EBF2: variants seen among roughly 807,000 people sequenced by gnomAD.
EBF2 encodes transcription factor COE2.
In EBF2, 21 loss-of-function variants were observed where a neutral mutation model predicts 72.8. That is an observed-to-expected ratio of 0.29 (90% confidence interval 0.20 to 0.42). EBF2 has a LOEUF of 0.42. Among genes scored for constraint, EBF2 ranks in the 10% least tolerant of loss-of-function variants. EBF2 has a pLI of 1.00. For missense variants in EBF2, 637 were observed against 731.2 expected, an observed-to-expected ratio of 0.87 and a Z score of 1.49; for synonymous variants, 299 against 274.2, an observed-to-expected ratio of 1.09 and a Z score of -0.89.
At chr8:25,877,556 G>A (rs796583188) in intron 10 of EBF2, among the ~76,000 whole-genome samples, 19 of 152,288 alleles carry the variant, frequency 1.2e-4, no homozygotes, top group African/African-American at 4.6e-4. Flanking sequence ...GTTGGCAGTG[G>A]CAACCATGGG....
intron 13 of EBF2, among the ~76,000 whole-genome samples, chr8:25,859,044 AC>A (rs1802158494): frequency 6.6e-6 from 1 of 151,990 alleles, no homozygotes; most frequent in African/African-American, 2.4e-5. Flanking sequence ...TGCACTCAGC[AC>A]CTCCAGCTTA....
intron 6 of EBF2, among the ~76,000 whole-genome samples, chr8:25,980,859 G>A (rs1378012165): frequency 3.3e-5 from 5 of 149,874 alleles, no homozygotes; most frequent in African/African-American, 1.2e-4. Flanking sequence ...GGGTGTCATT[G>A]GGAACCCATG....
At chr8:26,017,814 C>A (rs180892688) in intron 6 of EBF2, among the ~76,000 whole-genome samples, 10 of 152,306 alleles carry the variant, frequency 6.6e-5, no homozygotes, top group Non-Finnish European at 1.5e-4. Flanking sequence ...TCTCTTTTGG[C>A]ACCTAGAGCT....
chr8:25,994,836 C>G (rs1248949875), intron 6 of EBF2, among the ~76,000 whole-genome samples: 1 of 152,116 alleles, frequency 6.6e-6, no homozygotes, highest in African/African-American at 2.4e-5. Flanking sequence ...ATGTTCACTA[C>G]CTGGATGACA....
chr8:25,912,499 A>ACACACACACACACACAC (rs1375819188), intron 6 of EBF2, among the ~76,000 whole-genome samples: 6 of 72,776 alleles, frequency 8.2e-5, no homozygotes, highest in African/African-American at 1.7e-4. Context: ...CACACACACA[A>ACACACACACACACACAC]CAGGAAGAAT....
chr8:26,020,000 C>A (rs1043955925), intron 6 of EBF2, among the ~76,000 whole-genome samples: 1 of 152,086 alleles, frequency 6.6e-6, no homozygotes, highest in Non-Finnish European at 1.5e-5. Flanking sequence ...AAGGTGTGCC[C>A]ATGTGTAGGC....
intron 6 of EBF2, among the ~76,000 whole-genome samples, chr8:25,918,182 C>T (rs1489768014): frequency 6.6e-6 from 1 of 152,182 alleles, no homozygotes; most frequent in Non-Finnish European, 1.5e-5. Context: ...ATCATTTTCT[C>T]TCTGCAGTTT....
intron 2 of EBF2, 23 bp from the exon 3 acceptor site, chr8:26,041,025 A>T: frequency 6.2e-7 from 1 of 1,613,574 alleles, no homozygotes; most frequent in Non-Finnish European, 8.5e-7. Flanking sequence ...GCAGCGTTCG[A>T]TTCCCTTGCC....
At chr8:25,866,630 TATATA>T (rs1368768774) in intron 10 of EBF2, among the ~76,000 whole-genome samples, 29 of 103,554 alleles carry the variant, frequency 2.8e-4, no homozygotes, top group Admixed American at 6.0e-4. Flanking sequence ...TATATATATA[TATATA>T]TTTTTTTTTT....
chr8:26,024,352 T>A (rs1805263727), intron 6 of EBF2, among the ~76,000 whole-genome samples: 1 of 152,208 alleles, frequency 6.6e-6, no homozygotes, highest in African/African-American at 2.4e-5. Flanking sequence ...AAAGGATATC[T>A]ACACATCCTT....
chr8:25,933,126 G>A (rs973163585), intron 6 of EBF2, among the ~76,000 whole-genome samples: 7 of 152,090 alleles, frequency 4.6e-5, no homozygotes, highest in Admixed American at 1.3e-4. Context: ...TGGAGCGTTC[G>A]CGTGTCCTTT....
chr8:25,911,102 C>T (rs1803121666), intron 6 of EBF2, among the ~76,000 whole-genome samples: 1 of 152,036 alleles, frequency 6.6e-6, no homozygotes, highest in Non-Finnish European at 1.5e-5. Flanking sequence ...ACTAATCATA[C>T]CATCCATTTA....
chr8:25,991,035 C>G (rs1804534582), intron 6 of EBF2, among the ~76,000 whole-genome samples: 1 of 152,152 alleles, frequency 6.6e-6, no homozygotes, highest in Non-Finnish European at 1.5e-5. Context: ...CAAACTGTAG[C>G]TCTTGGCTTT....
chr8:25,907,348 A>G (rs1803052156), intron 7 of EBF2, among the ~76,000 whole-genome samples: 1 of 132,076 alleles, frequency 7.6e-6, no homozygotes, highest in Non-Finnish European at 1.6e-5. Context: ...TGAGCCCAGG[A>G]GGCGGAGTTT....
chr8:25,893,553 C>T (rs1375215922), intron 7 of EBF2, among the ~76,000 whole-genome samples: 2 of 152,112 alleles, frequency 1.3e-5, no homozygotes, highest in South Asian at 2.1e-4. Context: ...GCTGGGATTA[C>T]AGGCATGAGC....
intron 6 of EBF2, among the ~76,000 whole-genome samples, chr8:25,929,733 G>A (rs1437730776): frequency 6.6e-6 from 1 of 152,144 alleles, no homozygotes; most frequent in Non-Finnish European, 1.5e-5. Context: ...AGGTCATGTT[G>A]ATCCTGGTTG....
At chr8:25,969,852 A>T (rs1350820085) in intron 6 of EBF2, among the ~76,000 whole-genome samples, 1 of 152,158 alleles carries the variant, frequency 6.6e-6, no homozygotes, top group South Asian at 2.1e-4. Flanking sequence ...CTACAGGCAC[A>T]TGCCACCGTG....
At chr8:25,957,344 G>A (rs1279676482) in intron 6 of EBF2, among the ~76,000 whole-genome samples, 4 of 152,182 alleles carry the variant, frequency 2.6e-5, no homozygotes, top group African/African-American at 4.8e-5. Flanking sequence ...AATACACTGG[G>A]TAGGTGTTAG....
rs560390868 is a variant in EBF2 at position 26,030,432 on chromosome 8, G to A, written c.551+2653C>T. On this transcript the variant is annotated intron_variant, in intron 6 of 15. Transcript: ENST00000520164. ...ACACACCGGGGACTGTTGTGGGGTGGGGGAAGGGGGGAGGGAGAGCATTAG... is the reference window on the plus strand; with the variant it reads ...ACACACCGGGGACTGTTGTGGGGTGAGGGAAGGGGGGAGGGAGAGCATTAG... 7.9e-5 allele frequency among the ~76,000 whole-genome samples: 12 copies of A among 152,132 alleles called. No homozygotes were observed. In the South Asian group the frequency reaches 2.5e-3, roughly 32 times the overall value.
Sources: allele counts gnomAD v4.1 joint callset (sites outside exome capture counted in the v4.1 genomes callset), GRCh38; gene constraint gnomAD v4.1.1; transcripts MANE v1.5; gene names NCBI Gene and HGNC (gene_info 2026-07-23, HGNC 2026-07-21).